Variants in PARG observed in about 807,000 individuals in gnomAD.
PARG encodes the protein mitochondrial poly(ADP-ribose) glycohydrolase.
Under a neutral mutation model 113.0 loss-of-function variants are expected in PARG, and 35 were observed. The ratio of observed to expected loss-of-function variants is 0.31; its 90% confidence interval spans 0.24 to 0.41. The LOEUF is 0.41. Ranked by LOEUF, PARG falls within the 10% of genes least tolerant of loss-of-function variation. The probability of loss-of-function intolerance (pLI) is 1.00; values close to 1 mark genes in which losing one functional copy is unlikely to be tolerated. For missense variants in PARG, 797 were observed against 1,169.4 expected (o/e 0.68, Z 4.64); for synonymous variants, 330 against 409.9 (o/e 0.81, Z 2.36).
chr10:49,877,935 T>A lies in PARG; in HGVS notation c.1988+1738A>T, dbSNP rs1847022780. Among the ~76,000 whole-genome samples, 3 of 150,552 alleles carry A rather than the reference T, an allele frequency of 2.0e-5. No homozygotes were observed. The South Asian group carries it at 6.4e-4, about 32-fold the overall frequency. ...AATGTGAGGCAAAACAACATTTGCA[T>A]AGTGTTTTATCTTTTGGAAAATATT... On this transcript the variant is annotated intron_variant, in intron 9 of 17. Transcript: ENST00000616448.
chr10:49,865,644 C>T (rs1378281894), intron 10 of PARG, among the ~76,000 whole-genome samples: 1 of 146,738 alleles, frequency 6.8e-6, no homozygotes, highest in Non-Finnish European at 1.5e-5. Flanking sequence ...ATACAAATAA[C>T]AGCACAACAG....
At chr10:49,925,712 A>C (rs1460007496) in intron 4 of PARG, among the ~76,000 whole-genome samples, 26 of 152,342 alleles carry the variant, frequency 1.7e-4, no homozygotes, top group Admixed American at 1.2e-3. Flanking sequence ...CTTCGTAAAA[A>C]CATCTACTGA....
At chr10:49,819,544 A>G in intron 17 of PARG, 50 bp from the exon 18 acceptor site, 1 of 1,397,752 alleles carries the variant, frequency 7.2e-7, no homozygotes, top group Non-Finnish European at 9.9e-7. Flanking sequence ...TGTAATTGAA[A>G]AAACCTTAGA....
chr10:49,882,731 T>A (rs1283105547), intron 8 of PARG, among the ~76,000 whole-genome samples: 2 of 145,748 alleles, frequency 1.4e-5, no homozygotes, highest in Non-Finnish European at 3.0e-5. Context: ...AACTACATAT[T>A]GAATTCAAAA....
At position 49,927,539 on chromosome 10, in the gene PARG, A is replaced by C. The variant is rs1466474074; in HGVS notation, c.1455+4561T>G. ...GAAAAAGGCTTGAGGAACTCCAACA[A>C]CACTTACTTGTCACATACAGAAGAA... On this transcript the variant is annotated intron_variant, in intron 4 of 17. Coordinates refer to ENST00000616448, the MANE Select transcript of PARG (RefSeq NM_003631.5). 3.3e-5 allele frequency among the ~76,000 whole-genome samples: 5 copies of C among 152,122 alleles called. No homozygotes were observed. In the South Asian group the frequency reaches 8.3e-4, roughly 25 times the overall value.
chr10:49,830,612 C>T (rs1214231322), intron 16 of PARG, among the ~76,000 whole-genome samples: 1 of 152,108 alleles, frequency 6.6e-6, no homozygotes, highest in Admixed American at 6.5e-5. Context: ...AATCAAACTA[C>T]TCCCAAAGAG....
intron 7 of PARG, among the ~76,000 whole-genome samples, chr10:49,913,371 G>A (rs1554846814): frequency 2.0e-5 from 3 of 152,196 alleles, no homozygotes; most frequent in African/African-American, 7.2e-5. Flanking sequence ...AGGAATGGAT[G>A]AGCAGACAAT....
chr10:49,864,851 C>T (rs1476026933), intron 11 of PARG, among the ~76,000 whole-genome samples: 2 of 135,510 alleles, frequency 1.5e-5, no homozygotes, highest in Non-Finnish European at 3.1e-5. Context: ...ACAAGGGCAG[C>T]CAAACTTCAA....
intron 5 of PARG, 49 bp downstream of exon 5, chr10:49,922,498 G>C: frequency 6.2e-7 from 1 of 1,610,134 alleles, no homozygotes; most frequent in Non-Finnish European, 8.5e-7. Flanking sequence ...AAACAAGCAA[G>C]TACCAAACCA....
At chr10:49,890,853 C>T (rs1474696989) in intron 7 of PARG, among the ~76,000 whole-genome samples, 1 of 152,186 alleles carries the variant, frequency 6.6e-6, no homozygotes, top group Non-Finnish European at 1.5e-5. Flanking sequence ...CATATTTATA[C>T]ATGACTAAGT....
intron 1 of PARG, among the ~76,000 whole-genome samples, chr10:49,937,401 G>A (rs1426524879): frequency 3.3e-5 from 5 of 151,808 alleles, no homozygotes; most frequent in East Asian, 1.9e-4. Flanking sequence ...GCGTGAACCC[G>A]GGAGGTGGAG....
intron 7 of PARG, among the ~76,000 whole-genome samples, chr10:49,901,696 G>A (rs574888980): frequency 6.6e-6 from 1 of 151,912 alleles, no homozygotes; most frequent in East Asian, 1.9e-4. Context: ...TAAAACAAAT[G>A]CTATTACAAT....
chr10:49,856,189 T>C (rs2132514762), intron 13 of PARG, among the ~76,000 whole-genome samples: 1 of 151,890 alleles, frequency 6.6e-6, no homozygotes, highest in Non-Finnish European at 1.5e-5. Flanking sequence ...ATCAGACTTT[T>C]TTTTTTTTGA....
In PARG at chr10:49,838,016, T is replaced by G. The variant is rs145022918; in HGVS notation, c.2541+3934A>C. Reference sequence around the variant, plus strand: ...TCACAAAAGAAGAGTGATTCAGGCATAAGCATGTAGGAGACTATTCTAAAA... The same window carrying G: ...TCACAAAAGAAGAGTGATTCAGGCAGAAGCATGTAGGAGACTATTCTAAAA... On this transcript the variant is annotated intron_variant, in intron 15 of 17. Coordinates refer to ENST00000616448, the MANE Select transcript of PARG (RefSeq NM_003631.5). Among the ~76,000 whole-genome samples the G allele has an allele frequency of 1.3e-3, 202 of 152,344 alleles. 1 individual carries two copies. Among genetic ancestry groups the G allele is most frequent in the African/African-American group, 4.6e-3 (191 of 41,572 alleles).
At chr10:49,894,474 A>G (rs571521010) in intron 7 of PARG, among the ~76,000 whole-genome samples, 1 of 152,196 alleles carries the variant, frequency 6.6e-6, no homozygotes, top group Non-Finnish European at 1.5e-5. Context: ...TCGACTCCCA[A>G]GCTACAAAGA....
chr10:49,897,491 T>G (rs1848145152), intron 7 of PARG, among the ~76,000 whole-genome samples: 1 of 152,226 alleles, frequency 6.6e-6, no homozygotes, highest in African/African-American at 2.4e-5. Context: ...CAATTATTTA[T>G]CTGCATTTCC....
chr10:49,926,328 A>T (rs1589002114), intron 4 of PARG, among the ~76,000 whole-genome samples: 1 of 151,868 alleles, frequency 6.6e-6, no homozygotes, highest in Non-Finnish European at 1.5e-5. Flanking sequence ...AATTCCAGGC[A>T]CCTATCTAGC....
At chr10:49,901,029 T>C (rs1232708920) in intron 7 of PARG, among the ~76,000 whole-genome samples, 2 of 151,924 alleles carry the variant, frequency 1.3e-5, no homozygotes, top group Non-Finnish European at 2.9e-5. Flanking sequence ...ATAACTTCAA[T>C]CTTTTATTAT....
At chr10:49,893,112 A>G (rs1312228036) in intron 7 of PARG, among the ~76,000 whole-genome samples, 3 of 142,728 alleles carry the variant, frequency 2.1e-5, no homozygotes, top group South Asian at 2.4e-4. Flanking sequence ...AATGAAATTA[A>G]TGGGTAATAG....
Sources: gnomAD v4.1 joint callset for allele counts (sites outside exome capture counted in the v4.1 genomes callset) on GRCh38, gnomAD v4.1.1 for gene constraint, MANE v1.5 for transcripts, NCBI Gene and HGNC (gene_info 2026-07-23, HGNC 2026-07-21) for gene names.